The following STIM1 variants were observed in gnomAD, a reference collection of about 807,000 sequenced individuals.
The protein encoded by STIM1 is stromal interaction molecule 1.
Under a neutral mutation model 74.7 loss-of-function variants are expected in STIM1, and 25 were observed. The ratio of observed to expected loss-of-function variants is 0.33; its 90% CI spans 0.24 to 0.47. STIM1 has a LOEUF of 0.47. Ranked by LOEUF, STIM1 falls within the 20% of genes least tolerant of loss-of-function variation. The probability of loss-of-function intolerance (pLI) is 1.00; values close to 1 mark genes in which losing one functional copy is unlikely to be tolerated. For synonymous variants in STIM1, 328 were observed against 348.8 expected, an observed-to-expected ratio of 0.94 and a Z score of 0.66; for missense variants, 728 against 920.8, an observed-to-expected ratio of 0.79 and a Z score of 2.71.
In STIM1 at chr11:3,856,108, A is replaced by G; in HGVS notation, c.-163A>G. 1 of 851,756 alleles carries G rather than the reference A, an allele frequency of 1.2e-6. No individual in the cohort carries two copies. The highest frequency in any genetic ancestry group is 1.5e-5 in the South Asian group (1 of 65,980). The allele number at this position is 851,756 out of a possible 1,614,324, so 52.8% of individuals were successfully genotyped here. ...CCCGCACCCAAACTTGGAGCACTTGACCTTTGGCTGTTGGAGGGGGCAGGC... is the reference window on the plus strand; with the variant it reads ...CCCGCACCCAAACTTGGAGCACTTGGCCTTTGGCTGTTGGAGGGGGCAGGC... On this transcript the variant is annotated 5_prime_UTR_variant, in exon 1 of 13. Transcript: ENST00000526596.
intron 2 of STIM1, among the ~76,000 whole-genome samples, chr11:3,971,026 T>G (rs2093387766): frequency 6.6e-6 from 1 of 152,188 alleles, no homozygotes; most frequent in Admixed American, 6.5e-5. Context: ...GGAACACTTC[T>G]GCAGCCGTAG....
chr11:3,908,602 A>C (rs1485559215), intron 1 of STIM1, among the ~76,000 whole-genome samples: 2 of 98,794 alleles, frequency 2.0e-5, no homozygotes, highest in African/African-American at 4.2e-5. Context: ...ACAGAGCGAG[A>C]CTCCATCTCA....
chr11:4,043,842 C>T (rs1013842574), intron 3 of STIM1, among the ~76,000 whole-genome samples: 3 of 151,810 alleles, frequency 2.0e-5, no homozygotes, highest in South Asian at 4.1e-4. Flanking sequence ...TGGTGAAACC[C>T]TGTCTCTACT....
intron 1 of STIM1, among the ~76,000 whole-genome samples, chr11:3,943,423 T>A (rs2093034233): frequency 1.3e-5 from 2 of 152,206 alleles, no homozygotes; most frequent in Admixed American, 1.3e-4. Flanking sequence ...TGACACACCA[T>A]ACCTATTCTT....
Position 3,961,716 on chromosome 11 carries a change from G to A in STIM1, c.140-5836G>A, listed in dbSNP as rs543764745. On this transcript the variant is annotated intron_variant, in intron 1 of 12. Transcript: ENST00000526596. ...GTAGAGATGGGGTTTCTCCATGTTG[G>A]TCATGCTGGTCTTGAACTCCTGACC... is the stretch of plus-strand genomic sequence containing the variant. 3.6e-4 allele frequency among the ~76,000 whole-genome samples: 54 copies of A among 152,102 alleles called. No individual in the cohort carries two copies. The South Asian group carries it at 4.8e-3, about 13-fold the overall frequency.
chr11:4,091,964 ATTATTAT>A lies in STIM1; in HGVS notation c.*173_*179del. ...CTGCCCCCTCATCCTTGGGTCCTTC[ATTATTAT>A]TTATTAACTGACCACCATGGCCTGC... On this transcript the variant is annotated 3_prime_UTR_variant, in exon 13 of 13. Transcript: ENST00000526596. 3 of 917,218 alleles carry A rather than the reference ATTATTAT, an allele frequency of 3.3e-6. No individual in the cohort carries two copies. Among genetic ancestry groups the A allele is most frequent in the Non-Finnish European group, 5.0e-6 (3 of 601,868 alleles). The allele number at this position is 917,218 out of a possible 1,614,324, so 56.8% of individuals were successfully genotyped here.
intron 11 of STIM1, among the ~76,000 whole-genome samples, chr11:4,085,004 G>A (rs538006886): frequency 6.6e-6 from 1 of 152,290 alleles, no homozygotes; most frequent in East Asian, 1.9e-4. Flanking sequence ...TCCCTTTAGC[G>A]CAGCTGTGCA....
intron 12 of STIM1, chr11:4,088,720 A>G: frequency 3.3e-6 from 5 of 1,535,890 alleles, no homozygotes; most frequent in Non-Finnish European, 4.4e-6. Flanking sequence ...CTCTAAAGGC[A>G]AACAGGCTCT....
intron 1 of STIM1, among the ~76,000 whole-genome samples, chr11:3,891,299 T>G (rs1278372201): frequency 6.6e-6 from 1 of 151,418 alleles, no homozygotes; most frequent in Non-Finnish European, 1.5e-5. Context: ...TTTTTCATGT[T>G]TTTTTTTTGA....
chr11:3,933,641 T>G (rs185100983), intron 1 of STIM1, among the ~76,000 whole-genome samples: 1 of 152,340 alleles, frequency 6.6e-6, no homozygotes, highest in Admixed American at 6.5e-5. Flanking sequence ...TCAACATGGC[T>G]GAGGCTCAGG....
In STIM1 at chr11:3,991,257, A is replaced by G. The variant is rs182062338; in HGVS notation, c.270+23575A>G. ...ATGATTCCAGCTCACTGCAGCCTCA[A>G]TCTCCTGGGCTCAAGCATTCCTCCC... On this transcript the variant is annotated intron_variant, in intron 2 of 12. Coordinates refer to ENST00000526596, the MANE Select transcript of STIM1 (RefSeq NM_001382567.1). 1.6e-3 allele frequency among the ~76,000 whole-genome samples: 240 copies of G among 150,266 alleles called. 2 individuals carry two copies. The highest frequency in any genetic ancestry group is 5.6e-3 in the African/African-American group (230 of 40,792).
At chr11:4,075,685 G>A (rs892140229) in intron 7 of STIM1, among the ~76,000 whole-genome samples, 2 of 151,986 alleles carry the variant, frequency 1.3e-5, no homozygotes, top group Non-Finnish European at 1.5e-5. Flanking sequence ...ATATTGCTAT[G>A]AACCTTCTTG....
At chr11:3,985,222 A>G (rs1035457807) in intron 2 of STIM1, among the ~76,000 whole-genome samples, 1 of 152,052 alleles carries the variant, frequency 6.6e-6, no homozygotes, top group African/African-American at 2.4e-5. Context: ...TTTGTTATTG[A>G]GTCTGCTTTG....
chr11:3,924,984 C>T, intron 1 of STIM1, among the ~76,000 whole-genome samples: 1 of 152,148 alleles, frequency 6.6e-6, no homozygotes, highest in East Asian at 1.9e-4. Context: ...TTGTATCTTA[C>T]TTTCTAGAAA....
At chr11:4,057,513 G>C (rs898676364) in intron 4 of STIM1, among the ~76,000 whole-genome samples, 1 of 152,136 alleles carries the variant, frequency 6.6e-6, no homozygotes, top group Admixed American at 6.5e-5. Flanking sequence ...CTCTGGCTTT[G>C]CCACTTACTT....
intron 2 of STIM1, among the ~76,000 whole-genome samples, chr11:3,993,513 G>A (rs372796160): frequency 9.1e-4 from 139 of 152,148 alleles, no homozygotes; most frequent in African/African-American, 3.1e-3. Flanking sequence ...AAAATTAGCC[G>A]GGCGTGGTGG....
chr11:3,980,141 G>A (rs1196998948), intron 2 of STIM1, among the ~76,000 whole-genome samples: 1 of 152,144 alleles, frequency 6.6e-6, no homozygotes, highest in Non-Finnish European at 1.5e-5. Context: ...CATTATTAAA[G>A]CACAACTCAT....
At chr11:4,046,300 C>G (rs2094193227) in intron 3 of STIM1, among the ~76,000 whole-genome samples, 1 of 152,012 alleles carries the variant, frequency 6.6e-6, no homozygotes, top group Non-Finnish European at 1.5e-5. Context: ...TCTTTTTCTT[C>G]CAACATATTC....
chr11:3,884,643 C>T (rs1434312124), intron 1 of STIM1, among the ~76,000 whole-genome samples: 1 of 152,116 alleles, frequency 6.6e-6, no homozygotes, highest in East Asian at 1.9e-4. Context: ...TCAGTTCAGC[C>T]TTATTTCTTG....
Sources: gnomAD v4.1 joint callset for allele counts (sites outside exome capture counted in the v4.1 genomes callset) on GRCh38, gnomAD v4.1.1 for gene constraint, MANE v1.5 for transcripts, NCBI Gene and HGNC (gene_info 2026-07-23, HGNC 2026-07-21) for gene names.